Variants in COL20A1 observed in about 807,000 individuals in gnomAD.
COL20A1 encodes collagen alpha-1(XX) chain.
Under a neutral mutation model 152.9 loss-of-function variants are expected in COL20A1, and 164 were observed. The ratio of observed to expected loss-of-function variants is 1.07; its 90% confidence interval spans 0.94 to 1.22. COL20A1 has a LOEUF of 1.22. Ranked by LOEUF, COL20A1 falls within the 50% of genes most tolerant of loss-of-function variation. COL20A1 has a pLI of 0.00. For missense variants in COL20A1, 1,873 were observed against 1,744.8 expected (o/e 1.07, Z -1.31); for synonymous variants, 864 against 756.0 (o/e 1.14, Z -2.34).
rs2068029678 is a variant in COL20A1, at chr20:63,312,858, G to A, written c.2000G>A (p.Trp667Ter). The A allele has an allele frequency of 6.4e-7, 1 of 1,557,394 alleles. No homozygotes were observed. Among genetic ancestry groups the A allele is most frequent in the Non-Finnish European group, 8.7e-7 (1 of 1,150,920 alleles). ...ELPGDAVQLA[W>*]VAAAPSGVLV... is the part of the protein sequence containing the mutation. ...CCAGGGGATGCAGTCCAGCTGGCGT[G>A]GGTGGCCGCAGCCCCGTCTGGCGTG... is the stretch of plus-strand genomic sequence containing the variant. Residue 667 changes from tryptophan to a stop codon, truncating the protein, a stop_gained, in exon 16 of 36, where the codon TGG (tryptophan) becomes TAG (stop). Transcript: ENST00000358894. LOFTEE classifies it high-confidence loss of function.
Position 63,306,475 on chromosome 20 carries a change from T to G in COL20A1, c.496+436T>G, listed in dbSNP as rs2123389723. On this transcript the variant is annotated intron_variant, in intron 5 of 35. Transcript: ENST00000358894. The surrounding 1 kb of genome is among the most constrained non-coding windows in gnomAD (Gnocchi z 6.9). ...AGGTGGTCCCACTACCTCTGACCCC[T>G]TTGGGAACCTCCAGCCTGGGTCTAG... Among the ~76,000 whole-genome samples the G allele has an allele frequency of 6.6e-6, 1 of 152,322 alleles. No homozygotes were observed.
chr20:63,299,608 C>G (rs2067840953), intron 3 of COL20A1, among the ~76,000 whole-genome samples: 1 of 152,186 alleles, frequency 6.6e-6, no homozygotes, highest in Non-Finnish European at 1.5e-5. Flanking sequence ...TGCCCGTAAC[C>G]ACTGAGCTGT....
intron 21 of COL20A1, among the ~76,000 whole-genome samples, chr20:63,317,875 CT>C (rs1190386543): frequency 6.6e-6 from 1 of 152,100 alleles, no homozygotes; most frequent in Admixed American, 6.5e-5. Context: ...CCCCGCCCCC[CT>C]CTCCTCTTCC....
In COL20A1 at chr20:63,319,394, CTGCTCCTGTCCTGTCGT is replaced by C; in HGVS notation, c.2807-92_2807-76del. The stretch of plus-strand genomic sequence containing the variant: ...CACCTCCAGCTTGGCACCCTCAGGG[CTGCTCCTGTCCTGTCGT>C]GGGGGCCGCCCTGCTCAAGGTATAG... On this transcript the variant is annotated intron_variant, in intron 22 of 35. Coordinates refer to ENST00000358894, the MANE Select transcript of COL20A1 (RefSeq NM_020882.4). The surrounding 1 kb of genome is among the most constrained non-coding windows in gnomAD (Gnocchi z 4.4). The C allele has an allele frequency of 8.8e-7, 1 of 1,140,482 alleles. No individual in the cohort carries two copies. Among genetic ancestry groups the C allele is most frequent in the Non-Finnish European group, 1.3e-6 (1 of 797,786 alleles). 70.6% of individuals were successfully genotyped at this position (1,140,482 alleles called of 1,614,324 possible). A position where few individuals can be genotyped will look rare whatever the true frequency, so the allele number is the denominator to read the frequency against.
Position 63,319,400 on chromosome 20 carries a change from C to G in COL20A1, c.2807-87C>G. 8.5e-7 allele frequency: 1 copy of G among 1,174,506 alleles called. No individual in the cohort carries two copies. The highest frequency in any genetic ancestry group is 1.2e-6 in the Non-Finnish European group (1 of 825,090). 72.8% of individuals were successfully genotyped at this position (1,174,506 alleles called of 1,614,324 possible). A position where few individuals can be genotyped will look rare whatever the true frequency, so the allele number is the denominator to read the frequency against. ...CAGCTTGGCACCCTCAGGGCTGCTC[C>G]TGTCCTGTCGTGGGGGCCGCCCTGC... On this transcript the variant is annotated intron_variant, in intron 22 of 35. Coordinates refer to ENST00000358894, the MANE Select transcript of COL20A1 (RefSeq NM_020882.4). The surrounding 1 kb of genome is among the most constrained non-coding windows in gnomAD (Gnocchi z 4.4).
rs372427337 is a variant in COL20A1 at position 63,309,752 on chromosome 20, C to G, written c.1106-6C>G. 1.3e-5 allele frequency: 20 copies of G among 1,562,958 alleles called. No individual in the cohort carries two copies. The highest frequency in any genetic ancestry group is 1.6e-5 in the Non-Finnish European group (19 of 1,157,266). On this transcript the variant is annotated splice_region_variant and splice_polypyrimidine_tract_variant and intron_variant, in intron 9 of 35. Coordinates refer to ENST00000358894, the MANE Select transcript of COL20A1 (RefSeq NM_020882.4). ...CACCTGCCCCCCACTCCCGCTACTC[C>G]AGCAGCAGCGGCTCCAGCCCTGGAC...
intron 21 of COL20A1, among the ~76,000 whole-genome samples, chr20:63,317,290 C>T (rs1368722983): frequency 6.6e-6 from 1 of 151,742 alleles, no homozygotes; most frequent in Non-Finnish European, 1.5e-5. Flanking sequence ...GCAGCAAGAC[C>T]CCATCTCTAC....
In COL20A1 at chr20:63,309,929, T is replaced by C. The variant is rs1601416707; in HGVS notation, c.1263+14T>C. On this transcript the variant is annotated intron_variant, in intron 10 of 35. Transcript: ENST00000358894. Reference sequence around the variant, plus strand: ...ACCCCCAGGGAGGTGAGGGGGCCGGTATACAGGGCTCCCCGAGCCGGTCCT... The same window carrying C: ...ACCCCCAGGGAGGTGAGGGGGCCGGCATACAGGGCTCCCCGAGCCGGTCCT... 1 of 1,577,644 alleles carries C rather than the reference T, an allele frequency of 6.3e-7. No homozygotes were observed. Among genetic ancestry groups the C allele is most frequent in the South Asian group, 1.2e-5 (1 of 85,218 alleles).
At chr20:63,310,009 A>G (rs2067984077) in intron 10 of COL20A1, 94 bp downstream of exon 10, 2 of 1,160,614 alleles carry the variant, frequency 1.7e-6, no homozygotes, top group African/African-American at 3.1e-5. Flanking sequence ...AGGCCCACAA[A>G]TAACTGGGTC....
chr20:63,328,943 C>G (rs1414937979), intron 34 of COL20A1, among the ~76,000 whole-genome samples: 1 of 152,176 alleles, frequency 6.6e-6, no homozygotes, highest in East Asian at 1.9e-4. Context: ...GGTGCTCCTC[C>G]TCCTCTGAGG....
chr20:63,311,552 G>A lies in COL20A1; in HGVS notation c.1539+13G>A, dbSNP rs751222848. 45 of 1,600,904 alleles carry A rather than the reference G, an allele frequency of 2.8e-5. 2 individuals carry two copies. The highest frequency in any genetic ancestry group is 2.1e-4 in the South Asian group (19 of 89,282). The stretch of plus-strand genomic sequence containing the variant: ...GGAGGAGCGAGAGGTGAGCTGGGCC[G>A]GGGGGTGGCGGGGGAGGCAGAGGAG... On this transcript the variant is annotated intron_variant, in intron 12 of 35. Coordinates refer to ENST00000358894, the MANE Select transcript of COL20A1 (RefSeq NM_020882.4). The surrounding 1 kb of genome is among the most constrained non-coding windows in gnomAD (Gnocchi z 4.4).
At chr20:63,304,534 T>C (rs548158767) in intron 3 of COL20A1, among the ~76,000 whole-genome samples, 1 of 130,676 alleles carries the variant, frequency 7.7e-6, no homozygotes, top group African/African-American at 2.9e-5. Context: ...CCTCCCTTCC[T>C]CCCTCCAGGT....
At position 63,311,447 on chromosome 20, in the gene COL20A1, G is replaced by A. The variant is rs764741827; in HGVS notation, c.1447G>A (p.Val483Ile). The A allele has an allele frequency of 1.3e-4, 205 of 1,574,388 alleles. 2 individuals are homozygous for A. In the East Asian group the frequency reaches 3.1e-3, roughly 24 times the overall value. The change falls in exon 12 of 36, where the codon GTC (valine) becomes ATC (isoleucine). Residue 483 changes from valine to isoleucine, a missense_variant. By Grantham distance (29) the Val-to-Ile change is conservative. Coordinates refer to ENST00000358894, the MANE Select transcript of COL20A1 (RefSeq NM_020882.4). The surrounding 1 kb of genome is among the most constrained non-coding windows in gnomAD (Gnocchi z 4.4). Reference sequence around the variant, plus strand: ...CCTGGCCGCAGTGACGCCCAGAACCGTCCACCTCACCTGGCAGCCCTCGGC... The same window carrying A: ...CCTGGCCGCAGTGACGCCCAGAACCATCCACCTCACCTGGCAGCCCTCGGC... ...LTLAAVTPRT[V>I]HLTWQPSAGA... is the part of the protein sequence containing the mutation.
rs922861609 is a variant in COL20A1, at chr20:63,304,719, TCCTCCCTC to T, written c.194-685_194-678del. Among the ~76,000 whole-genome samples the T allele has an allele frequency of 1.3e-3, 191 of 151,754 alleles. 1 individual carries two copies. The highest frequency in any genetic ancestry group is 4.4e-3 in the African/African-American group (184 of 41,398). ...TCCCTGCAGGTGCGCAGGTGTGGGT[TCCTCCCTC>T]CCTCCCTCCCTCGAGGTGTGCAAGT... On this transcript the variant is annotated intron_variant, in intron 3 of 35. Coordinates refer to ENST00000358894, the MANE Select transcript of COL20A1 (RefSeq NM_020882.4).
rs1269220173 is a variant in COL20A1, at chr20:63,319,639, C to T, written c.2916+43C>T. ...GCCCCTCTCCCCCGTTCCCCCAGCT[C>T]TGGGGCAGCCCAGCCCCACAGGGAC... is the stretch of plus-strand genomic sequence containing the variant. On this transcript the variant is annotated intron_variant, in intron 23 of 35. Coordinates refer to ENST00000358894, the MANE Select transcript of COL20A1 (RefSeq NM_020882.4). This position sits in a 1 kb window ranked among gnomAD's most constrained non-coding sequence, Gnocchi z 4.4. The T allele has an allele frequency of 7.1e-7, 1 of 1,412,428 alleles. No homozygotes were observed. The highest frequency in any genetic ancestry group is 9.8e-7 in the Non-Finnish European group (1 of 1,024,462). 87.5% of individuals were successfully genotyped at this position (1,412,428 alleles called of 1,614,324 possible).
In COL20A1 at chr20:63,311,411, C is replaced by A; in HGVS notation, c.1411C>A (p.Arg471=). 6.3e-7 allele frequency: 1 copy of A among 1,581,364 alleles called. No individual in the cohort carries two copies. Among genetic ancestry groups the A allele is most frequent in the Non-Finnish European group, 8.6e-7 (1 of 1,164,654 alleles). ...LVTTAPLPPP[R]ALTLAAVTPR... ...CCCCCCAGCACCTCTGCCTCCGCCC[C>A]GGGCGCTGACCCTGGCCGCAGTGAC... The change falls in exon 12 of 36, where the codon CGG becomes AGG. Residue 471 remains arginine, a synonymous_variant. Coordinates refer to ENST00000358894, the MANE Select transcript of COL20A1 (RefSeq NM_020882.4). The surrounding 1 kb of genome is among the most constrained non-coding windows in gnomAD (Gnocchi z 4.4).
In COL20A1 at chr20:63,306,595, C is replaced by T. The variant is rs540620879; in HGVS notation, c.496+556C>T. ...TGGAGGGAGGGCCCTGCCCAGCCGG[C>T]CCCAGGCGTGGAGAGGTAGAGCCAC... On this transcript the variant is annotated intron_variant, in intron 5 of 35. Coordinates refer to ENST00000358894, the MANE Select transcript of COL20A1 (RefSeq NM_020882.4). This position sits in a 1 kb window ranked among gnomAD's most constrained non-coding sequence, Gnocchi z 6.9. Among the ~76,000 whole-genome samples the T allele has an allele frequency of 6.6e-6, 1 of 150,780 alleles. No individual in the cohort carries two copies. Among genetic ancestry groups the T allele is most frequent in the East Asian group, 1.9e-4 (1 of 5,158 alleles).
At chr20:63,308,821 G>A (rs895737417) in intron 8 of COL20A1, 115 bp downstream of exon 8, 54 of 980,914 alleles carry the variant, frequency 5.5e-5, no homozygotes, top group Middle Eastern at 2.8e-4. Context: ...CCACATCTGC[G>A]GCACGGAGCT....
intron 3 of COL20A1, among the ~76,000 whole-genome samples, chr20:63,302,199 T>C (rs1371672219): frequency 6.6e-6 from 1 of 152,232 alleles, no homozygotes; most frequent in Non-Finnish European, 1.5e-5. Context: ...TATTTCAATA[T>C]GTTTCTCTAA....
Sources: allele counts gnomAD v4.1 joint callset (sites outside exome capture counted in the v4.1 genomes callset), GRCh38; gene constraint gnomAD v4.1.1; non-coding constraint Gnocchi (gnomAD v3.1); transcripts MANE v1.5; gene names NCBI Gene and HGNC (gene_info 2026-07-23, HGNC 2026-07-21).